Variants in PRCD observed in about 807,000 individuals in gnomAD.
The protein encoded by PRCD is photoreceptor disc component.
Under a neutral mutation model 10.1 loss-of-function variants are expected in PRCD, and 12 were observed. That is an observed-to-expected ratio of 1.18 (90% CI 0.76 to 1.92). PRCD has a LOEUF of 1.92. PRCD is among the 40% of genes most tolerant of loss of function. The probability of loss-of-function intolerance (pLI) is 0.00; values close to 1 mark genes in which losing one functional copy is unlikely to be tolerated. For synonymous variants in PRCD, 31 were observed against 26.2 expected (o/e 1.18, Z -0.56); for missense variants, 61 against 72.2 (o/e 0.84, Z 0.56).
chr17:76,536,852 T>C (rs946299663), upstream of PRCD, among the ~76,000 whole-genome samples: 29 of 152,116 alleles, frequency 1.9e-4, no homozygotes, highest in African/African-American at 6.8e-4. Context: ...GCCCGTGCCC[T>C]CCAGCGGGAA....
intron 1 of PRCD, among the ~76,000 whole-genome samples, chr17:76,532,530 C>CTTTT (rs111936272): frequency 4.8e-5 from 6 of 125,724 alleles, no homozygotes; most frequent in Non-Finnish European, 6.7e-5. Context: ...ATGACAATGG[C>CTTTT]TTTTTTTTTT....
At chr17:76,549,554 C>T (rs537881115), downstream of PRCD, among the ~76,000 whole-genome samples, 1 of 152,320 alleles carries the variant, frequency 6.6e-6, no homozygotes, top group East Asian at 1.9e-4. Flanking sequence ...CTTGGGAAAC[C>T]AGCATGGTGG....
At chr17:76,548,767 T>G (rs780407092), downstream of PRCD, among the ~76,000 whole-genome samples, 1 of 152,242 alleles carries the variant, frequency 6.6e-6, no homozygotes. Flanking sequence ...TGCCAGGCAC[T>G]GTGGATCCAG....
At chr17:76,541,616 G>A (rs568039326) in intron 2 of PRCD, among the ~76,000 whole-genome samples, 15 of 152,138 alleles carry the variant, frequency 9.9e-5, no homozygotes, top group Non-Finnish European at 2.1e-4. Context: ...TACAGGAAGC[G>A]GAGGCATTTC....
chr17:76,546,942 C>T (rs901452925), downstream of PRCD: 5 of 152,180 alleles, frequency 3.3e-5, no homozygotes, highest in Admixed American at 6.5e-5. This position sits in a 1 kb window ranked among gnomAD's most constrained non-coding sequence, Gnocchi z 4.5. Flanking sequence ...AATCTGACAC[C>T]AAAGCTTGGG....
downstream of PRCD, among the ~76,000 whole-genome samples, chr17:76,548,061 CACAG>C (rs1222538851): frequency 9.9e-5 from 15 of 152,072 alleles, no homozygotes; most frequent in Admixed American, 3.3e-4. Flanking sequence ...CACACATACA[CACAG>C]ACATACATGT....
In PRCD at chr17:76,528,941, T is replaced by C. The variant is rs535977941; in HGVS notation, n.45+1108T>C. ...CAATGTGAGCTCTTTTTCCATTAAT[T>C]CTGAAACGTGGCGCATTCTGTCCGG... is the stretch of plus-strand genomic sequence containing the variant. On this transcript the variant is annotated intron_variant and non_coding_transcript_variant, in intron 1 of 4. Coordinates refer to the PRCD transcript ENST00000397633. This position sits in a 1 kb window ranked among gnomAD's most constrained non-coding sequence, Gnocchi z 5.8. 9.0e-6 allele frequency: 10 copies of C among 1,110,612 alleles called. No homozygotes were observed. In the East Asian group the frequency reaches 5.1e-4, roughly 56 times the overall value. 68.8% of individuals were successfully genotyped at this position (1,110,612 alleles called of 1,614,324 possible).
At chr17:76,550,146 G>C (rs964820947), downstream of PRCD, 3 of 151,926 alleles carry the variant, frequency 2.0e-5, no homozygotes, top group Admixed American at 2.0e-4. Context: ...AGTAGAGACG[G>C]GGTTTCATCA....
At chr17:76,536,039 C>T (rs1427990378), upstream of PRCD, among the ~76,000 whole-genome samples, 1 of 152,190 alleles carries the variant, frequency 6.6e-6, no homozygotes, top group East Asian at 1.9e-4. Context: ...CCACAATGTG[C>T]TTGTGTGGGT....
intron 2 of PRCD, among the ~76,000 whole-genome samples, chr17:76,541,727 C>T (rs188954156): frequency 1.7e-4 from 26 of 152,314 alleles, no homozygotes; most frequent in African/African-American, 4.8e-4. Flanking sequence ...GGGCCTCCCC[C>T]GATAGGAGGC....
At chr17:76,550,987 T>A (rs1306651201) in intron 1 of PRCD, 1 of 152,202 alleles carries the variant, frequency 6.6e-6, no homozygotes, top group Non-Finnish European at 1.5e-5. Context: ...AGAAGTGAGG[T>A]GACCTTTGCC....
At chr17:76,548,776 A>G (rs990386198), downstream of PRCD, among the ~76,000 whole-genome samples, 3 of 152,240 alleles carry the variant, frequency 2.0e-5, no homozygotes, top group African/African-American at 7.2e-5. Context: ...CTGTGGATCC[A>G]GAAACGGATT....
rs1007452315 is a variant in PRCD, at chr17:76,533,106, A to C, written n.45+5273A>C. 6.6e-6 allele frequency among the ~76,000 whole-genome samples: 1 copy of C among 152,192 alleles called. No individual in the cohort carries two copies. Among genetic ancestry groups the C allele is most frequent in the African/African-American group, 2.4e-5 (1 of 41,448 alleles). ...TGCGGAGAGGGCATCTGGCCGGGTC[A>C]TCCCTGCTGCTGGTGGAACTGCTAT... On this transcript the variant is annotated intron_variant and non_coding_transcript_variant, in intron 1 of 4. Transcript: ENST00000397633. This position sits in a 1 kb window ranked among gnomAD's most constrained non-coding sequence, Gnocchi z 4.5.
rs756551408 is a variant in PRCD, at chr17:76,542,519, T to C, written c.144-34T>C. 2.5e-6 allele frequency: 4 copies of C among 1,614,000 alleles called. No homozygotes were observed. In the East Asian group the frequency reaches 8.9e-5, roughly 36 times the overall value. Reference sequence around the variant, plus strand: ...TCAGAAACATGGGAAGGTCGTGCCCTTCAATCCTGACCCCAGTGCTTTCCT... The same window carrying C: ...TCAGAAACATGGGAAGGTCGTGCCCCTCAATCCTGACCCCAGTGCTTTCCT... On this transcript the variant is annotated intron_variant, in intron 2 of 4. Transcript: ENST00000592014.
chr17:76,527,624 T>C (rs1232399141), upstream of PRCD: 1 of 452,850 alleles, frequency 2.2e-6, no homozygotes, highest in South Asian at 1.6e-5. Flanking sequence ...GAGGGTGGGG[T>C]GGGGAAAGCC....
downstream of PRCD, among the ~76,000 whole-genome samples, chr17:76,547,905 AAC>A (rs1484096411): frequency 3.9e-5 from 5 of 129,686 alleles, no homozygotes; most frequent in African/African-American, 1.1e-4. Context: ...AGACACACAT[AAC>A]ACATTCACAC....
upstream of PRCD, among the ~76,000 whole-genome samples, chr17:76,536,746 T>C (rs548124250): frequency 2.6e-5 from 4 of 152,246 alleles, no homozygotes; most frequent in African/African-American, 9.6e-5. Context: ...GAAGCTTCTC[T>C]CTTCTTCCCC....
downstream of PRCD, chr17:76,547,480 T>G (rs891288090): frequency 6.6e-6 from 1 of 152,288 alleles, no homozygotes; most frequent in African/African-American, 2.4e-5. Flanking sequence ...CCAGTCCTTG[T>G]GCCTAAGGAG....
chr17:76,538,208 G>T (rs1377467857), upstream of PRCD: 1 of 157,998 alleles, frequency 6.3e-6, no homozygotes, highest in Non-Finnish European at 1.4e-5. Context: ...CCCCTCCGGC[G>T]GCCGCCGTGG....
Sources: allele counts gnomAD v4.1 joint callset (sites outside exome capture counted in the v4.1 genomes callset), GRCh38; gene constraint gnomAD v4.1.1; non-coding constraint Gnocchi (gnomAD v3.1); transcripts MANE v1.5; gene names NCBI Gene and HGNC (gene_info 2026-07-23, HGNC 2026-07-21).